SMG6: variants seen among roughly 807,000 people sequenced by gnomAD.
SMG6 encodes the protein telomerase-binding protein EST1A.
In SMG6, 66 loss-of-function variants were observed where a neutral mutation model predicts 142.2. The ratio of observed to expected loss-of-function variants is 0.46; its 90% CI spans 0.38 to 0.57. The LOEUF (loss-of-function observed/expected upper bound fraction) is 0.57, where lower values mean the gene tolerates loss of function less well. SMG6 is among the 20% of genes least tolerant of loss of function. SMG6 has a pLI of 0.00. For synonymous variants in SMG6, 779 were observed against 702.4 expected (o/e 1.11, Z -1.72); for missense variants, 1,793 against 1,832.0 (o/e 0.98, Z 0.39).
At chr17:2,090,204 G>A (rs3760233) in intron 13 of SMG6, among the ~76,000 whole-genome samples, 94,581 of 139,428 alleles carry the variant, frequency 0.68, 32,553 homozygotes, top group East Asian at 0.93. Context: ...AAAAAAAAAG[G>A]AAAGAAGAAA....
intron 8 of SMG6, among the ~76,000 whole-genome samples, chr17:2,268,085 A>G (rs917228959): frequency 6.6e-6 from 1 of 152,084 alleles, no homozygotes; most frequent in Non-Finnish European, 1.5e-5. Context: ...TTTTATTATT[A>G]TTAGAGACGG....
At chr17:2,184,464 C>T (rs1013985109) in intron 12 of SMG6, among the ~76,000 whole-genome samples, 3 of 151,380 alleles carry the variant, frequency 2.0e-5, no homozygotes, top group African/African-American at 7.3e-5. Flanking sequence ...TTGAGACCAG[C>T]CTGGCCAACA....
At chr17:2,211,191 G>T (rs1487129156) in intron 10 of SMG6, among the ~76,000 whole-genome samples, 2 of 149,538 alleles carry the variant, frequency 1.3e-5, no homozygotes, top group Admixed American at 1.3e-4. Context: ...AAGAAAAAAA[G>T]AAGTTAACAA....
intron 13 of SMG6, chr17:2,087,307 G>A (rs1459654932): frequency 1.6e-6 from 2 of 1,238,860 alleles, no homozygotes; most frequent in African/African-American, 1.6e-5. Context: ...CTCTAAGACA[G>A]TGGAAATAAA....
intron 10 of SMG6, among the ~76,000 whole-genome samples, chr17:2,234,982 T>C (rs2073608751): frequency 6.6e-6 from 1 of 152,238 alleles, no homozygotes; most frequent in Admixed American, 6.5e-5. Flanking sequence ...GACAGGTAGC[T>C]CACTGAACTC....
chr17:2,229,412 T>C (rs2151788421), intron 10 of SMG6: 1 of 152,370 alleles, frequency 6.6e-6, no homozygotes. Context: ...TGGGGGGACA[T>C]TCCTTGCACT....
At chr17:2,098,753 C>T (rs2068926613) in intron 13 of SMG6, among the ~76,000 whole-genome samples, 1 of 152,074 alleles carries the variant, frequency 6.6e-6, no homozygotes, top group African/African-American at 2.4e-5. Flanking sequence ...GCCTCAGCCT[C>T]CCGAGTAGCT....
chr17:2,061,765 T>G, intron 18 of SMG6, 143 bp from the exon 19 acceptor site: 1 of 971,578 alleles, frequency 1.0e-6, no homozygotes, highest in Non-Finnish European at 1.5e-6. Flanking sequence ...CTTTCCTCCG[T>G]CCGGGCTCTC....
chr17:2,169,242 T>C (rs966321714), intron 13 of SMG6, among the ~76,000 whole-genome samples: 14 of 151,256 alleles, frequency 9.3e-5, no homozygotes, highest in Admixed American at 6.6e-4. Flanking sequence ...TGCGCAGGAA[T>C]TTGAGGTGGC....
chr17:2,194,201 G>A (rs539767053), intron 10 of SMG6, among the ~76,000 whole-genome samples: 1 of 152,186 alleles, frequency 6.6e-6, no homozygotes, highest in African/African-American at 2.4e-5. Context: ...TGTGTGCTGT[G>A]CTCTACCTGG....
intron 14 of SMG6, among the ~76,000 whole-genome samples, chr17:2,084,725 G>A (rs868585022): frequency 6.6e-6 from 1 of 152,190 alleles, no homozygotes; most frequent in Non-Finnish European, 1.5e-5. Context: ...AATCGCTTCC[G>A]TCCCTTCCCT....
At chr17:2,297,742 G>A in intron 3 of SMG6, 121 bp downstream of exon 3, 1 of 1,131,778 alleles carries the variant, frequency 8.8e-7, no homozygotes, top group Non-Finnish European at 1.3e-6. Flanking sequence ...CAGAACCCAA[G>A]AAAAGGGCAG....
intron 10 of SMG6, among the ~76,000 whole-genome samples, chr17:2,193,612 T>C (rs1297172777): frequency 6.6e-6 from 1 of 152,136 alleles, no homozygotes; most frequent in Non-Finnish European, 1.5e-5. Context: ...CGAAAACACT[T>C]GAGTGCCCAA....
intron 13 of SMG6, among the ~76,000 whole-genome samples, chr17:2,118,162 G>C (rs1047795930): frequency 6.6e-6 from 1 of 152,162 alleles, no homozygotes; most frequent in Non-Finnish European, 1.5e-5. Flanking sequence ...AGGATCACTT[G>C]AGCCTGGGAG....
intron 10 of SMG6, among the ~76,000 whole-genome samples, chr17:2,196,886 G>C (rs1009469133): frequency 6.6e-6 from 1 of 152,018 alleles, no homozygotes; most frequent in Admixed American, 6.6e-5. Flanking sequence ...TTAAAAGGAG[G>C]AATATCTTTT....
chr17:2,096,370 G>A (rs775196016), intron 13 of SMG6, among the ~76,000 whole-genome samples: 5 of 152,110 alleles, frequency 3.3e-5, no homozygotes, highest in Admixed American at 1.3e-4. Flanking sequence ...CACCATGCCC[G>A]GCTAATTTTC....
chr17:2,254,480 A>G (rs12943566), intron 8 of SMG6, among the ~76,000 whole-genome samples: 88,239 of 151,942 alleles, frequency 0.58, 26,804 homozygotes, highest in East Asian at 0.75. Context: ...GACTAGAAGC[A>G]CGTGCCACCA....
chr17:2,099,254 C>G (rs1002482547), intron 13 of SMG6, among the ~76,000 whole-genome samples: 3 of 151,896 alleles, frequency 2.0e-5, no homozygotes, highest in African/African-American at 7.3e-5. Context: ...TGGACACACT[C>G]GGAGATGCTA....
In SMG6 at chr17:2,236,650, A is replaced by G; in HGVS notation, c.2724-13T>C. On this transcript the variant is annotated splice_polypyrimidine_tract_variant and intron_variant, in intron 9 of 18. Coordinates refer to ENST00000263073, the MANE Select transcript of SMG6 (RefSeq NM_017575.5). Reference sequence around the variant, plus strand: ...GAATGTCTCCATCCTGCAGATTCAGAAAACCCATCAATGAGGCACCTCTCT... The same window carrying G: ...GAATGTCTCCATCCTGCAGATTCAGGAAACCCATCAATGAGGCACCTCTCT... 17 of 1,606,504 alleles carry G rather than the reference A, an allele frequency of 1.1e-5. No homozygotes were observed. Among genetic ancestry groups the G allele is most frequent in the Non-Finnish European group, 1.4e-5 (17 of 1,176,176 alleles).
Sources: allele counts gnomAD v4.1 joint callset (sites outside exome capture counted in the v4.1 genomes callset), GRCh38; gene constraint gnomAD v4.1.1; transcripts MANE v1.5; gene names NCBI Gene and HGNC (gene_info 2026-07-23, HGNC 2026-07-21).